Variants in GALNT13 observed in about 807,000 individuals in gnomAD.
GALNT13 encodes the protein UDP-GalNAc:polypeptide N-acetylgalactosaminyltransferase 13.
Under a neutral mutation model 64.2 loss-of-function variants are expected in GALNT13, and 28 were observed. The observed-to-expected ratio is 0.44, with a 90% CI of 0.32 to 0.60. The LOEUF is 0.60. GALNT13 is among the 20% of genes least tolerant of loss of function. The probability of loss-of-function intolerance (pLI) is 0.05; values close to 1 mark genes in which losing one functional copy is unlikely to be tolerated. For missense variants in GALNT13, 577 were observed against 669.8 expected (o/e 0.86, Z 1.53); for synonymous variants, 214 against 224.6 (o/e 0.95, Z 0.42).
chr2:154,296,849 C>T (rs1692954797), intron 8 of GALNT13, among the ~76,000 whole-genome samples: 1 of 152,050 alleles, frequency 6.6e-6, no homozygotes, highest in African/African-American at 2.4e-5. Context: ...TATACACCTG[C>T]CATGGTGGTT....
At chr2:153,709,780 T>C in the GALNT13 span, among the ~76,000 whole-genome samples, 1 of 152,052 alleles carries the variant, frequency 6.6e-6, no homozygotes, top group Admixed American at 6.6e-5. Context: ...ATGTGGTATA[T>C]ATATATATGT....
At chr2:154,286,361 GT>G (rs1261511687) in intron 8 of GALNT13, among the ~76,000 whole-genome samples, 3 of 152,088 alleles carry the variant, frequency 2.0e-5, no homozygotes, top group Non-Finnish European at 4.4e-5. Flanking sequence ...TCTATACCTA[GT>G]TTTTTGAGAG....
At chr2:154,325,196 T>C (rs1694818824) in intron 9 of GALNT13, among the ~76,000 whole-genome samples, 1 of 152,036 alleles carries the variant, frequency 6.6e-6, no homozygotes, top group Admixed American at 6.6e-5. Flanking sequence ...GGAACATCCT[T>C]ATCCCTGAAC....
the GALNT13 span, among the ~76,000 whole-genome samples, chr2:153,212,989 A>G: frequency 6.6e-6 from 1 of 152,342 alleles, no homozygotes; most frequent in African/African-American, 2.4e-5. Flanking sequence ...TTACACATCC[A>G]GGGGTCACTA....
At chr2:153,270,032 T>A in the GALNT13 span, among the ~76,000 whole-genome samples, 7 of 152,162 alleles carry the variant, frequency 4.6e-5, no homozygotes, top group African/African-American at 1.7e-4. Flanking sequence ...TAAAAAGACT[T>A]AATCTAGTTA....
chr2:153,974,845 G>T (rs1299251035), intron 3 of GALNT13, among the ~76,000 whole-genome samples: 1 of 151,980 alleles, frequency 6.6e-6, no homozygotes, highest in Admixed American at 6.6e-5. Context: ...CATGTGTAAG[G>T]AAAAGAAAGT....
At chr2:153,319,432 C>T in the GALNT13 span, among the ~76,000 whole-genome samples, 52 of 152,072 alleles carry the variant, frequency 3.4e-4, no homozygotes, top group African/African-American at 1.2e-3. Flanking sequence ...TATCCCCATG[C>T]CCAGGTAGCT....
At chr2:153,293,008 T>C in the GALNT13 span, among the ~76,000 whole-genome samples, 1 of 152,154 alleles carries the variant, frequency 6.6e-6, no homozygotes, top group African/African-American at 2.4e-5. Context: ...AAGGTTTTTT[T>C]CCCTAATTTG....
At chr2:153,297,482 A>G in the GALNT13 span, among the ~76,000 whole-genome samples, 4 of 152,210 alleles carry the variant, frequency 2.6e-5, no homozygotes, top group African/African-American at 9.6e-5. Flanking sequence ...TGTATTCAGC[A>G]CACAACAGGG....
intron 8 of GALNT13, among the ~76,000 whole-genome samples, chr2:154,274,748 C>T (rs915375386): frequency 4.6e-5 from 7 of 152,140 alleles, no homozygotes; most frequent in Non-Finnish European, 8.8e-5. Context: ...TGGACTAATA[C>T]AGTAAATTGG....
intron 9 of GALNT13, among the ~76,000 whole-genome samples, chr2:154,333,491 G>C (rs1183963566): frequency 2.6e-5 from 4 of 151,814 alleles, no homozygotes; most frequent in Non-Finnish European, 5.9e-5. Flanking sequence ...TACATTATTG[G>C]GTTTGAAATA....
At chr2:154,196,861 A>G (rs1686905152) in intron 4 of GALNT13, among the ~76,000 whole-genome samples, 1 of 152,190 alleles carries the variant, frequency 6.6e-6, no homozygotes. Context: ...CCCTTTGGCA[A>G]TATCTTTGCT....
At chr2:154,425,872 G>A (rs1700446096) in intron 11 of GALNT13, among the ~76,000 whole-genome samples, 1 of 152,110 alleles carries the variant, frequency 6.6e-6, no homozygotes, top group Non-Finnish European at 1.5e-5. Context: ...TGATAGAGAT[G>A]GGTCATGGGA....
At chr2:153,630,803 ATATATTTTT>A in the GALNT13 span, among the ~76,000 whole-genome samples, 52 of 17,502 alleles carry the variant, frequency 3.0e-3, no homozygotes, top group South Asian at 8.2e-3. Flanking sequence ...ATATATATAT[ATATATTTTT>A]TTTTTTTTTT....
chr2:153,234,916 G>T, the GALNT13 span, among the ~76,000 whole-genome samples: 3 of 152,240 alleles, frequency 2.0e-5, no homozygotes, highest in African/African-American at 7.2e-5. Context: ...CGTAGCATTT[G>T]TTCAACAGCA....
chr2:153,886,622 A>T (rs1337585961), intron 1 of GALNT13, among the ~76,000 whole-genome samples: 1 of 151,930 alleles, frequency 6.6e-6, no homozygotes, highest in African/African-American at 2.4e-5. Context: ...GCACTTTTTA[A>T]AGCTGTGAAT....
the GALNT13 span, among the ~76,000 whole-genome samples, chr2:153,168,009 C>T: frequency 1.3e-5 from 2 of 152,112 alleles, no homozygotes; most frequent in Non-Finnish European, 2.9e-5. Flanking sequence ...TGCTATGACT[C>T]CTCAAGATTT....
intron 4 of GALNT13, among the ~76,000 whole-genome samples, chr2:154,212,636 T>C (rs923534033): frequency 6.6e-6 from 1 of 151,992 alleles, no homozygotes; most frequent in Non-Finnish European, 1.5e-5. Flanking sequence ...TTTCTCCTCC[T>C]CCTATCCCTT....
chr2:154,201,759 A>T (rs1384795109), intron 4 of GALNT13, among the ~76,000 whole-genome samples: 2 of 151,914 alleles, frequency 1.3e-5, no homozygotes, highest in African/African-American at 2.4e-5. Flanking sequence ...TGTGTTTGGG[A>T]ATTCTTTGCT....
Sources: allele counts gnomAD v4.1 joint callset (sites outside exome capture counted in the v4.1 genomes callset), GRCh38; gene constraint gnomAD v4.1.1; transcripts MANE v1.5; gene names NCBI Gene and HGNC (gene_info 2026-07-23, HGNC 2026-07-21).